SPECC1: variants seen among roughly 807,000 people sequenced by gnomAD.
The protein encoded by SPECC1 is cytospin-B.
Under a neutral mutation model 104.1 loss-of-function variants are expected in SPECC1, and 62 were observed. The ratio of observed to expected loss-of-function variants is 0.60; its 90% CI spans 0.49 to 0.74. The LOEUF (loss-of-function observed/expected upper bound fraction) is 0.74. Ranked by LOEUF, SPECC1 falls within the 30% of genes least tolerant of loss-of-function variation. The probability of loss-of-function intolerance (pLI) is 0.00; values close to 1 mark genes in which losing one functional copy is unlikely to be tolerated. For synonymous variants in SPECC1, 513 were observed against 501.6 expected (o/e 1.02, Z -0.30); for missense variants, 1,306 against 1,310.5 (o/e 1.00, Z 0.05).
At chr17:20,058,271 C>T (rs575622139) in intron 1 of SPECC1, among the ~76,000 whole-genome samples, 1 of 152,058 alleles carries the variant, frequency 6.6e-6, no homozygotes, top group East Asian at 1.9e-4. Context: ...AAAAGCAGAC[C>T]CTGGGACTCA....
Position 20,218,798 on chromosome 17 carries a change from C to T in SPECC1, c.1864-8615C>T, listed in dbSNP as rs2037674447. Among the ~76,000 whole-genome samples the T allele has an allele frequency of 2.0e-5, 3 of 152,142 alleles. No individual in the cohort carries two copies. The South Asian group carries it at 6.2e-4, about 32-fold the overall frequency. On this transcript the variant is annotated intron_variant, in intron 4 of 14. Coordinates refer to ENST00000395527, the MANE Select transcript of SPECC1 (RefSeq NM_001243439.2). ...TCCATTAACCATCCCTGTTTCCACC[C>T]CTGCCCCACCACCCTTCCCAGCCTC...
At position 20,045,732 on chromosome 17, in the gene SPECC1, C is replaced by T. The variant is rs2045514249; in HGVS notation, c.-22+36308C>T. On this transcript the variant is annotated intron_variant, in intron 1 of 14. Coordinates refer to ENST00000395527, the MANE Select transcript of SPECC1 (RefSeq NM_001243439.2). ...CTGAGCCCAGACTTGGCAGGGTTGG[C>T]CAGGTGTGTGCTTATAGTTTGTGGT... 3.3e-5 allele frequency among the ~76,000 whole-genome samples: 5 copies of T among 152,096 alleles called. No individual in the cohort carries two copies. In the South Asian group the frequency reaches 1.0e-3, roughly 32 times the overall value.
chr17:20,290,519 A>T (rs1598150603), intron 12 of SPECC1, among the ~76,000 whole-genome samples: 1 of 151,460 alleles, frequency 6.6e-6, no homozygotes, highest in East Asian at 1.9e-4. Context: ...TATGTATTTT[A>T]TATTTATTTT....
At chr17:20,095,347 AAC>A (rs1190028269) in intron 1 of SPECC1, among the ~76,000 whole-genome samples, 43 of 152,226 alleles carry the variant, frequency 2.8e-4, no homozygotes, top group African/African-American at 1.0e-3. Flanking sequence ...TTTCCTTGGA[AAC>A]ACTGTGGAAA....
chr17:20,116,494 TA>T (rs11299930), intron 3 of SPECC1, among the ~76,000 whole-genome samples: 84,013 of 151,910 alleles, frequency 0.55, 23,779 homozygotes, highest in Middle Eastern at 0.61. Context: ...TGAGCATCTA[TA>T]AAAAAAATCT....
chr17:20,193,084 G>A (rs1170864078), intron 3 of SPECC1, among the ~76,000 whole-genome samples: 2 of 152,180 alleles, frequency 1.3e-5, no homozygotes, highest in African/African-American at 4.8e-5. Flanking sequence ...ACAAGGGGTG[G>A]ATTATTCATG....
At chr17:20,068,109 A>G (rs570400106) in intron 1 of SPECC1, among the ~76,000 whole-genome samples, 35 of 151,988 alleles carry the variant, frequency 2.3e-4, no homozygotes, top group Non-Finnish European at 2.4e-4. Context: ...GGGACCACAG[A>G]TGTACACCAC....
intron 3 of SPECC1, among the ~76,000 whole-genome samples, chr17:20,183,554 A>G (rs2035054877): frequency 6.6e-6 from 1 of 152,184 alleles, no homozygotes; most frequent in Non-Finnish European, 1.5e-5. Context: ...TATGGATACT[A>G]ACATCCACAG....
intron 4 of SPECC1, among the ~76,000 whole-genome samples, chr17:20,213,650 GA>G (rs1330053708): frequency 2.0e-5 from 3 of 152,208 alleles, no homozygotes; most frequent in Non-Finnish European, 2.9e-5. Flanking sequence ...CCTGAGTCTT[GA>G]GGGGAGAGGG....
intron 3 of SPECC1, among the ~76,000 whole-genome samples, chr17:20,127,166 A>G (rs945479248): frequency 8.5e-5 from 13 of 152,240 alleles, no homozygotes; most frequent in African/African-American, 2.9e-4. Flanking sequence ...CTTCTTGCTC[A>G]ACTTTCATAG....
intron 9 of SPECC1, among the ~76,000 whole-genome samples, chr17:20,250,709 G>T (rs1442625144): frequency 6.6e-6 from 1 of 152,164 alleles, no homozygotes; most frequent in Non-Finnish European, 1.5e-5. Context: ...TAGGAAAGAG[G>T]TCAGCATAGC....
chr17:20,195,719 G>A (rs1007293711), intron 3 of SPECC1, among the ~76,000 whole-genome samples: 4 of 151,778 alleles, frequency 2.6e-5, no homozygotes, highest in Admixed American at 6.6e-5. Context: ...CACCACACCC[G>A]GCTAATTTTT....
intron 3 of SPECC1, among the ~76,000 whole-genome samples, chr17:20,154,113 G>A (rs189160777): frequency 6.6e-6 from 1 of 152,350 alleles, no homozygotes; most frequent in East Asian, 1.9e-4. Context: ...GGGCTAATTT[G>A]TGTCTGCTGC....
At chr17:20,284,538 G>A (rs1026131275) in intron 12 of SPECC1, among the ~76,000 whole-genome samples, 9 of 152,366 alleles carry the variant, frequency 5.9e-5, no homozygotes, top group African/African-American at 1.4e-4. Context: ...TGAATGCACG[G>A]CAGGGAAGGA....
chr17:20,133,938 A>G (rs942274824), intron 3 of SPECC1, among the ~76,000 whole-genome samples: 2 of 152,104 alleles, frequency 1.3e-5, no homozygotes, highest in African/African-American at 4.8e-5. Context: ...AGGAAAAGAG[A>G]TGTGAAGTGT....
chr17:20,012,211 C>T (rs117868144), intron 1 of SPECC1, among the ~76,000 whole-genome samples: 5 of 152,220 alleles, frequency 3.3e-5, no homozygotes, highest in Admixed American at 2.6e-4. Flanking sequence ...CTGTCAGTCA[C>T]GACTGTTCCC....
At chr17:20,043,893 T>A (rs1456165327) in intron 1 of SPECC1, among the ~76,000 whole-genome samples, 1 of 152,056 alleles carries the variant, frequency 6.6e-6, no homozygotes, top group African/African-American at 2.4e-5. Context: ...GTTAGGGAGG[T>A]AGAGCTTCAT....
chr17:20,285,217 C>CCCTGT (rs1385059616), intron 12 of SPECC1, among the ~76,000 whole-genome samples: 1 of 152,202 alleles, frequency 6.6e-6, no homozygotes, highest in East Asian at 1.9e-4. Context: ...TTTTGCTTTG[C>CCCTGT]CCTGTCCTGC....
At chr17:20,277,782 T>C (rs2040623100) in intron 12 of SPECC1, among the ~76,000 whole-genome samples, 1 of 152,222 alleles carries the variant, frequency 6.6e-6, no homozygotes, top group Non-Finnish European at 1.5e-5. Flanking sequence ...GCTTCGTCTC[T>C]GAATTTACCC....
Sources: allele counts gnomAD v4.1 joint callset (sites outside exome capture counted in the v4.1 genomes callset), GRCh38; gene constraint gnomAD v4.1.1; transcripts MANE v1.5; gene names NCBI Gene and HGNC (gene_info 2026-07-23, HGNC 2026-07-21).